Variants in PCNX4 observed in about 807,000 individuals in gnomAD.
PCNX4 encodes pecanex 4.
PCNX4 carries 103 observed loss-of-function variants against 107.2 expected under a neutral mutation model. The ratio of observed to expected loss-of-function variants is 0.96; its 90% CI spans 0.82 to 1.13. PCNX4 has a LOEUF of 1.13. Among genes scored for constraint, PCNX4 ranks in the 50% most tolerant of loss-of-function variants. The probability of loss-of-function intolerance (pLI) is 0.00; values close to 1 mark genes in which losing one functional copy is unlikely to be tolerated. For missense variants in PCNX4, 1,528 were observed against 1,379.4 expected, an observed-to-expected ratio of 1.11 and a Z score of -1.71; for synonymous variants, 541 against 481.7, an observed-to-expected ratio of 1.12 and a Z score of -1.61.
At chr14:60,131,351 T>C (rs2140568369) in intron 10 of PCNX4, among the ~76,000 whole-genome samples, 1 of 152,300 alleles carries the variant, frequency 6.6e-6, no homozygotes, top group South Asian at 2.1e-4. Flanking sequence ...TAGAACTGAT[T>C]AACAAATTCA....
chr14:60,115,579 T>G (rs1895830906), intron 4 of PCNX4, 118 bp downstream of exon 4: 5 of 1,393,318 alleles, frequency 3.6e-6, no homozygotes, highest in Non-Finnish European at 4.8e-6. Context: ...TTTGTTCTTT[T>G]ATGTTATGGT....
chr14:60,097,032 T>G (rs1252167147), intron 1 of PCNX4, among the ~76,000 whole-genome samples: 1 of 116,600 alleles, frequency 8.6e-6, no homozygotes, highest in African/African-American at 2.7e-5. Flanking sequence ...GTTTTCCAAT[T>G]TTTAGTATTT....
At chr14:60,110,624 G>GT (rs1356865465) in intron 2 of PCNX4, 1 of 167,062 alleles carries the variant, frequency 6.0e-6, no homozygotes, top group Non-Finnish European at 1.5e-5. Flanking sequence ...TTGGAAGCAC[G>GT]TAACTCATCT....
rs35459418 is a variant in PCNX4 at position 60,114,955 on chromosome 14, C to CT, written c.870-9dup. The CT allele has an allele frequency of 9.5e-5, 142 of 1,487,406 alleles. No homozygotes were observed. Among genetic ancestry groups the CT allele is most frequent in the South Asian group, 8.5e-4 (65 of 76,196 alleles). The allele number at this position is 1,487,406 out of a possible 1,614,324, so 92.1% of individuals were successfully genotyped here. A position where few individuals can be genotyped will look rare whatever the true frequency, so the allele number is the denominator to read the frequency against. ...TTTCTTTTCAAGTAAATATTTTTTT[C>CT]TTTTTTTTTTCTGTACAGGTTATTA... On this transcript the variant is annotated intron_variant, in intron 3 of 10. Coordinates refer to ENST00000406854, the MANE Select transcript of PCNX4 (RefSeq NM_001330177.2).
intron 7 of PCNX4, among the ~76,000 whole-genome samples, chr14:60,118,932 A>C (rs1237445972): frequency 6.6e-6 from 1 of 152,198 alleles, no homozygotes; most frequent in Non-Finnish European, 1.5e-5. Context: ...GTGATTTTAT[A>C]ATTTTTTAAA....
rs151260894 is a variant in PCNX4, at chr14:60,124,608, T to G, written c.2437T>G (p.Leu813Val). Residue 813 changes from leucine (L) to valine (V), a missense_variant, in exon 9 of 11, where the codon TTA becomes GTA. Transcript: ENST00000406854. The stretch of plus-strand genomic sequence containing the variant: ...CAAATCCCCAGAAGACATAGACAGT[T>G]TAAATTCAGAAACTTTTAATGACTG... ...PPKSPEDIDS[L>V]NSETFNDWSD... The G allele has an allele frequency of 1.3e-4, 216 of 1,613,642 alleles. No individual in the cohort carries two copies. Among genetic ancestry groups the G allele is most frequent in the Middle Eastern group, 4.9e-4 (3 of 6,084 alleles).
chr14:60,115,776 A>G lies in PCNX4; in HGVS notation c.1415A>G (p.His472Arg), dbSNP rs1192815842. 1 of 1,613,376 alleles carries G rather than the reference A, an allele frequency of 6.2e-7. No individual in the cohort carries two copies. Among genetic ancestry groups the G allele is most frequent in the Non-Finnish European group, 8.5e-7 (1 of 1,179,474 alleles). Residue 472 changes from histidine to arginine, a missense_variant, in exon 5 of 11, where the codon CAC becomes CGC. Coordinates refer to ENST00000406854, the MANE Select transcript of PCNX4 (RefSeq NM_001330177.2). ...TTGGACAGTTCCTTACAAGGGCTCC[A>G]CTCAGTGTCTGTCTGTATTGGATTC... ...LSLDSSLQGL[H>R]SVSVCIGFTR... is the part of the protein sequence containing the mutation.
At chr14:60,121,825 G>C (rs183179892) in intron 8 of PCNX4, among the ~76,000 whole-genome samples, 12 of 152,206 alleles carry the variant, frequency 7.9e-5, no homozygotes, top group East Asian at 7.7e-4. Context: ...CTAGTGACTG[G>C]CACATTGCTA....
At chr14:60,092,738 TC>T (rs1244858647) in intron 1 of PCNX4, among the ~76,000 whole-genome samples, 2 of 152,202 alleles carry the variant, frequency 1.3e-5, no homozygotes, top group African/African-American at 4.8e-5. Context: ...AACTGTACTC[TC>T]GCAATATCTC....
In PCNX4 at chr14:60,134,241, G is replaced by A. The variant is rs1356112536; in HGVS notation, c.*20G>A. 2 of 1,605,692 alleles carry A rather than the reference G, an allele frequency of 1.2e-6. No homozygotes were observed. The highest frequency in any genetic ancestry group is 8.5e-7 in the Non-Finnish European group (1 of 1,175,312). ...TATTAGAGCTCATTTTGACTGTAAT[G>A]TCATCAAATGCAATGTTTTTATTTT... On this transcript the variant is annotated 3_prime_UTR_variant, in exon 11 of 11. Transcript: ENST00000406854.
intron 4 of PCNX4, 30 bp downstream of exon 4, chr14:60,115,491 T>C: frequency 6.6e-7 from 1 of 1,505,166 alleles, no homozygotes; most frequent in Non-Finnish European, 8.8e-7. Context: ...TAACCTTGTG[T>C]TACAAATCAT....
chr14:60,113,945 T>A (rs1895788019), intron 2 of PCNX4, among the ~76,000 whole-genome samples: 1 of 152,218 alleles, frequency 6.6e-6, no homozygotes, highest in Non-Finnish European at 1.5e-5. Context: ...GTGCCAAGTT[T>A]GAGTTTCTCC....
intron 1 of PCNX4, among the ~76,000 whole-genome samples, chr14:60,099,244 G>C (rs1354607116): frequency 6.6e-6 from 1 of 151,962 alleles, no homozygotes; most frequent in Non-Finnish European, 1.5e-5. Flanking sequence ...TCTTTTCCAG[G>C]TATAAAATTT....
Position 60,138,424 on chromosome 14 carries a change from A to T in PCNX4, c.*4203A>T, listed in dbSNP as rs1184796573. ...AATAAAAACAAAATTACAACTTAGC[A>T]CATCCTAAGAAAAAATAAAACACAA... On this transcript the variant is annotated 3_prime_UTR_variant, in exon 11 of 11. Coordinates refer to ENST00000406854, the MANE Select transcript of PCNX4 (RefSeq NM_001330177.2). 6.6e-6 allele frequency: 1 copy of T among 152,206 alleles called. No individual in the cohort carries two copies. 9.4% of individuals were successfully genotyped at this position (152,206 alleles called of 1,614,324 possible).
chr14:60,106,767 TTTAA>T (rs58225716), intron 1 of PCNX4, among the ~76,000 whole-genome samples: 113,524 of 151,698 alleles, frequency 0.75, 44,560 homozygotes, highest in Non-Finnish European at 0.87. Flanking sequence ...AGAAAGGCTA[TTTAA>T]TTTAAGATGG....
rs1895837522 is a variant in PCNX4, at chr14:60,115,844, T to C, written c.1458+25T>C. 1.9e-6 allele frequency: 3 copies of C among 1,593,902 alleles called. No homozygotes were observed. In the East Asian group the frequency reaches 6.7e-5, roughly 36 times the overall value. On this transcript the variant is annotated intron_variant, in intron 5 of 10. Coordinates refer to ENST00000406854, the MANE Select transcript of PCNX4 (RefSeq NM_001330177.2). ...GGTAATCCTAATATGTGTTTAATAG[T>C]ATTTTCCTATTGCTAAGTTTTATTG...
chr14:60,109,934 G>T (rs1227798896), intron 2 of PCNX4: 1 of 167,124 alleles, frequency 6.0e-6, no homozygotes, highest in Non-Finnish European at 1.5e-5. Flanking sequence ...GTGTTGAAAG[G>T]AGCAGTTGGC....
In PCNX4 at chr14:60,114,606, GGA is replaced by G. The variant is rs1339543910; in HGVS notation, c.690-92_690-91del. On this transcript the variant is annotated intron_variant, in intron 2 of 10. Coordinates refer to ENST00000406854, the MANE Select transcript of PCNX4 (RefSeq NM_001330177.2). ...TGTGTGTGTGGTTTTTTTTTGGAAG[GGA>G]GTGTGTTGTTATTCTGTGTTGCTTT... 23 of 1,020,380 alleles carry G rather than the reference GGA, an allele frequency of 2.3e-5. No homozygotes were observed. In the African/African-American group the frequency reaches 3.4e-4, roughly 15 times the overall value. 63.2% of individuals were successfully genotyped at this position (1,020,380 alleles called of 1,614,324 possible).
intron 8 of PCNX4, among the ~76,000 whole-genome samples, chr14:60,121,993 A>G (rs76138981): frequency 1.3e-5 from 2 of 152,182 alleles, no homozygotes; most frequent in Admixed American, 6.5e-5. Flanking sequence ...CCCAGAGCCT[A>G]GTAGTCCTTG....
Sources: gnomAD v4.1 joint callset for allele counts (sites outside exome capture counted in the v4.1 genomes callset) on GRCh38, gnomAD v4.1.1 for gene constraint, MANE v1.5 for transcripts, NCBI Gene and HGNC (gene_info 2026-07-23, HGNC 2026-07-21) for gene names.